Variants in PPP2R1A observed in about 807,000 individuals in gnomAD.
PPP2R1A encodes serine/threonine-protein phosphatase 2A 65 kDa regulatory subunit A alpha isoform.
A neutral mutation model predicts 67.1 loss-of-function variants in PPP2R1A; 15 were observed. That is an observed-to-expected ratio of 0.22 (90% CI 0.15 to 0.34). PPP2R1A has a LOEUF of 0.34. PPP2R1A is among the 10% of genes least tolerant of loss of function. The probability of loss-of-function intolerance (pLI) is 1.00; values close to 1 mark genes in which losing one functional copy is unlikely to be tolerated. For missense variants in PPP2R1A, 369 were observed against 775.0 expected (o/e 0.48, Z 6.22); for synonymous variants, 337 against 325.0 (o/e 1.04, Z -0.40).
intron 13 of PPP2R1A, among the ~76,000 whole-genome samples, chr19:52,222,576 T>C (rs78049596): frequency 0.047 from 7,187 of 152,330 alleles, 243 homozygotes; most frequent in African/African-American, 0.09. Context: ...CAATGAAAGA[T>C]GTGTATGTAA....
intron 3 of PPP2R1A, among the ~76,000 whole-genome samples, chr19:52,209,483 T>C (rs2089642509): frequency 6.6e-6 from 1 of 151,440 alleles, no homozygotes; most frequent in Non-Finnish European, 1.5e-5. Flanking sequence ...TTAAATGCTA[T>C]TTTTAAACAT....
Position 52,221,141 on chromosome 19 carries a change from T to C in PPP2R1A, c.1518+8T>C. The C allele has an allele frequency of 6.2e-7, 1 of 1,614,136 alleles. No homozygotes were observed. The highest frequency in any genetic ancestry group is 8.5e-7 in the Non-Finnish European group (1 of 1,179,960). ...ACGCTCTTCTGCATCAATGTGAGCC[T>C]TCCACCTGCCTGCTGGCCCATCCCT... On this transcript the variant is annotated splice_region_variant and intron_variant, in intron 12 of 14. Coordinates refer to ENST00000322088, the MANE Select transcript of PPP2R1A (RefSeq NM_014225.6).
rs1978563402 is a variant in PPP2R1A at position 52,216,207 on chromosome 19, T to G, written c.993+133T>G. On this transcript the variant is annotated intron_variant, in intron 8 of 14. Coordinates refer to ENST00000322088, the MANE Select transcript of PPP2R1A (RefSeq NM_014225.6). The surrounding 1 kb of genome is among the most constrained non-coding windows in gnomAD (Gnocchi z 4.3). ...TCTGGGACCAGGCAGCTCTTGGGTTTCAAGCAGTTAGGGGTCCTGACTGCA... is the reference window on the plus strand; with the variant it reads ...TCTGGGACCAGGCAGCTCTTGGGTTGCAAGCAGTTAGGGGTCCTGACTGCA... 1 of 1,035,646 alleles carries G rather than the reference T, an allele frequency of 9.7e-7. No individual in the cohort carries two copies. The highest frequency in any genetic ancestry group is 2.5e-5 in the East Asian group (1 of 39,590). 64.2% of individuals were successfully genotyped at this position (1,035,646 alleles called of 1,614,324 possible).
chr19:52,190,221 G>C, intron 1 of PPP2R1A, 47 bp downstream of exon 1: 1 of 1,537,484 alleles, frequency 6.5e-7, no homozygotes, highest in Non-Finnish European at 8.8e-7. Flanking sequence ...GGGGTACCTG[G>C]GGGCACGGGC....
intron 12 of PPP2R1A, chr19:52,221,892 A>T: frequency 2.0e-6 from 1 of 497,076 alleles, no homozygotes; most frequent in South Asian, 3.4e-5. Flanking sequence ...CAGAATAATT[A>T]AGGGAAGCCT....
chr19:52,213,157 A>T lies in PPP2R1A; in HGVS notation c.807+47A>T. ...TTGTCCCACTGGTGGGGACACTGAC[A>T]CTCTCAGAAGGGAAGCATATAGGAG... On this transcript the variant is annotated intron_variant, in intron 6 of 14. Coordinates refer to ENST00000322088, the MANE Select transcript of PPP2R1A (RefSeq NM_014225.6). The surrounding 1 kb of genome is among the most constrained non-coding windows in gnomAD (Gnocchi z 4.2). 1 of 1,501,646 alleles carries T rather than the reference A, an allele frequency of 6.7e-7. No homozygotes were observed. Among genetic ancestry groups the T allele is most frequent in the Non-Finnish European group, 8.8e-7 (1 of 1,132,202 alleles). 93.0% of individuals were successfully genotyped at this position (1,501,646 alleles called of 1,614,324 possible).
intron 14 of PPP2R1A, 73 bp from the exon 15 acceptor site, chr19:52,225,892 G>C: frequency 6.2e-7 from 1 of 1,613,258 alleles, no homozygotes; most frequent in Non-Finnish European, 8.5e-7. Context: ...GCTTCTGGGA[G>C]GGGGAGGTAC....
At position 52,219,890 on chromosome 19, in the gene PPP2R1A, G is replaced by T; in HGVS notation, c.1302+26G>T. On this transcript the variant is annotated intron_variant, in intron 10 of 14. Coordinates refer to ENST00000322088, the MANE Select transcript of PPP2R1A (RefSeq NM_014225.6). The surrounding 1 kb of genome is among the most constrained non-coding windows in gnomAD (Gnocchi z 4.0). ...GTGAGTGAGGAGGCCTGGGGGCCAG[G>T]CAGTGCTGCCTCAGGGGAGGTGCAG... The T allele has an allele frequency of 6.3e-7, 1 of 1,597,762 alleles. No individual in the cohort carries two copies. Among genetic ancestry groups the T allele is most frequent in the South Asian group, 1.1e-5 (1 of 89,300 alleles).
Position 52,213,994 on chromosome 19 carries a change from G to A in PPP2R1A, c.807+884G>A, listed in dbSNP as rs146145955. ...TTCATGGAGCTAGGCAGTCTGAAGG[G>A]GAAGACTGACTTAGGGGAAATTTGA... On this transcript the variant is annotated intron_variant, in intron 6 of 14. Coordinates refer to ENST00000322088, the MANE Select transcript of PPP2R1A (RefSeq NM_014225.6). This position sits in a 1 kb window ranked among gnomAD's most constrained non-coding sequence, Gnocchi z 4.2. 6.6e-6 allele frequency among the ~76,000 whole-genome samples: 1 copy of A among 152,246 alleles called. No homozygotes were observed. Among genetic ancestry groups the A allele is most frequent in the Non-Finnish European group, 1.5e-5 (1 of 68,026 alleles).
At chr19:52,220,057 G>A (rs1303113382) in intron 10 of PPP2R1A, 132 bp from the exon 11 acceptor site, 5 of 1,228,712 alleles carry the variant, frequency 4.1e-6, no homozygotes, top group Non-Finnish European at 4.7e-6. Context: ...GGAGGGAAAG[G>A]AGCACCTCAG....
chr19:52,223,239 A>G (rs13382052), intron 13 of PPP2R1A, among the ~76,000 whole-genome samples: 7,189 of 152,276 alleles, frequency 0.047, 243 homozygotes, highest in African/African-American at 0.09. Context: ...GGCTCGCCTC[A>G]ATGCATAAAC....
At chr19:52,214,618 A>C (rs1035067629) in intron 6 of PPP2R1A, among the ~76,000 whole-genome samples, 1 of 152,202 alleles carries the variant, frequency 6.6e-6, no homozygotes, top group Non-Finnish European at 1.5e-5. Flanking sequence ...TCCCGTCTTC[A>C]TAATGAACTG....
rs1463612098 is a variant in PPP2R1A at position 52,190,319 on chromosome 19, C to T, written c.78+145C>T. On this transcript the variant is annotated intron_variant, in intron 1 of 14. Coordinates refer to ENST00000322088, the MANE Select transcript of PPP2R1A (RefSeq NM_014225.6). ...CGTGCGTCTCTTATCTCCCCGGTTG[C>T]CCGGACTCCTTGAGACGGCGCTCCC... The T allele has an allele frequency of 6.0e-6, 6 of 992,030 alleles. No individual in the cohort carries two copies. The South Asian group carries it at 6.3e-5, about 10-fold the overall frequency. 61.5% of individuals were successfully genotyped at this position (992,030 alleles called of 1,614,324 possible).
intron 3 of PPP2R1A, among the ~76,000 whole-genome samples, chr19:52,207,921 G>A (rs962136493): frequency 1.3e-5 from 2 of 152,118 alleles, no homozygotes; most frequent in Non-Finnish European, 2.9e-5. Context: ...ACCTGCTTAG[G>A]TGGGATGGGA....
At position 52,199,448 on chromosome 19, in the gene PPP2R1A, C is replaced by G. The variant is rs559414920; in HGVS notation, c.79-2496C>G. Among the ~76,000 whole-genome samples the G allele has an allele frequency of 2.2e-4, 34 of 151,400 alleles. 1 individual carries two copies. Among genetic ancestry groups the G allele is most frequent in the Middle Eastern group, 7.2e-3 (2 of 278 alleles). On this transcript the variant is annotated intron_variant, in intron 1 of 14. Transcript: ENST00000322088. Reference sequence around the variant, plus strand: ...CCTCCCAAGGTGCTGGGATTACAGGCATGAGCCACTGCGCCTGGCCTCCCC... The same window carrying G: ...CCTCCCAAGGTGCTGGGATTACAGGGATGAGCCACTGCGCCTGGCCTCCCC...
chr19:52,202,586 A>T (rs1041723456), intron 2 of PPP2R1A, among the ~76,000 whole-genome samples: 2 of 152,246 alleles, frequency 1.3e-5, no homozygotes, highest in African/African-American at 4.8e-5. Context: ...CCCATGTTAT[A>T]GATGAAGAAA....
chr19:52,224,022 G>A (rs1285902571), intron 13 of PPP2R1A, among the ~76,000 whole-genome samples: 2 of 152,220 alleles, frequency 1.3e-5, no homozygotes, highest in Non-Finnish European at 1.5e-5. Context: ...AAACTATTCA[G>A]CAGTGACGAA....
At chr19:52,205,304 C>T (rs2089590654) in intron 2 of PPP2R1A, among the ~76,000 whole-genome samples, 1 of 152,178 alleles carries the variant, frequency 6.6e-6, no homozygotes. Context: ...AACGGATTTT[C>T]CCTTCACATA....
rs1256454080 is a variant in PPP2R1A at position 52,216,631 on chromosome 19, T to C, written c.1096T>C (p.Leu366=). The change falls in exon 9 of 15, where the codon TTG becomes CTG. Residue 366 remains leucine (L), a synonymous_variant. Transcript: ENST00000322088. The surrounding 1 kb of genome is among the most constrained non-coding windows in gnomAD (Gnocchi z 4.3). Reference sequence around the variant, plus strand: ...CAAAGACAACACCATCGAGCACCTCTTGCCCCTCTTCCTGGCTCAGCTGAA... The same window carrying C: ...CAAAGACAACACCATCGAGCACCTCCTGCCCCTCTTCCTGGCTCAGCTGAA... ...LGKDNTIEHL[L]PLFLAQLKDE... is the part of the protein sequence containing the mutation. 1.2e-5 allele frequency: 20 copies of C among 1,614,034 alleles called. No homozygotes were observed. The highest frequency in any genetic ancestry group is 1.7e-5 in the Non-Finnish European group (20 of 1,180,052).
Sources: allele counts gnomAD v4.1 joint callset (sites outside exome capture counted in the v4.1 genomes callset), GRCh38; gene constraint gnomAD v4.1.1; non-coding constraint Gnocchi (gnomAD v3.1); transcripts MANE v1.5; gene names NCBI Gene and HGNC (gene_info 2026-07-23, HGNC 2026-07-21).